ZNF561: variants seen among roughly 807,000 people sequenced by gnomAD.
ZNF561 encodes zinc finger protein 561.
A neutral mutation model predicts 16.7 loss-of-function variants in ZNF561; 16 were observed. The observed-to-expected ratio is 0.96, with a 90% CI of 0.65 to 1.45. ZNF561 has a LOEUF of 1.45. Ranked by LOEUF, ZNF561 falls within the 40% of genes most tolerant of loss-of-function variation. The pLI is 0.00. For missense variants in ZNF561, 580 were observed against 578.0 expected (o/e 1.00, Z -0.04); for synonymous variants, 190 against 192.1 (o/e 0.99, Z 0.09).
In ZNF561 at chr19:9,608,762, G is replaced by A. The variant is rs530351373; in HGVS notation, c.*1438C>T. ...AAGAACTTGGCAGAACTGTATTCTA[G>A]CACTTTGCGGAAGGTAGAGCTTGAG... On this transcript the variant is annotated 3_prime_UTR_variant, in exon 6 of 6. Coordinates refer to ENST00000302851, the MANE Select transcript of ZNF561 (RefSeq NM_152289.3). 2 of 152,212 alleles carry A rather than the reference G, an allele frequency of 1.3e-5. No individual in the cohort carries two copies. The highest frequency in any genetic ancestry group is 2.9e-5 in the Non-Finnish European group (2 of 68,038). 9.4% of individuals were successfully genotyped at this position (152,212 alleles called of 1,614,324 possible). A position where few individuals can be genotyped will look rare whatever the true frequency, so the allele number is the denominator to read the frequency against.
rs766966765 is a variant in ZNF561 at position 9,611,308 on chromosome 19, CAG to C, written c.351_352del (p.Cys118Ter). ...GACCTCTCCACAATTCTTACAGTCA[CAG>C]AGTTTCCATCCACTGTAGCCTCTTG... On this transcript the variant is annotated frameshift_variant, in exon 6 of 6. Transcript: ENST00000302851. LOFTEE classifies it low-confidence loss of function (END_TRUNC). 4.2e-5 allele frequency: 68 copies of C among 1,612,800 alleles called. No individual in the cohort carries two copies. The highest frequency in any genetic ancestry group is 5.4e-5 in the Non-Finnish European group (64 of 1,178,950).
At chr19:9,612,249 T>G (rs530473862) in intron 5 of ZNF561, among the ~76,000 whole-genome samples, 5 of 151,226 alleles carry the variant, frequency 3.3e-5, no homozygotes, top group African/African-American at 1.2e-4. Flanking sequence ...ATTTTTGAGA[T>G]GTAGTCTCAC....
Position 9,610,227 on chromosome 19 carries a change from T to G in ZNF561, c.1434A>C (p.Glu478Asp), listed in dbSNP as rs1463951267. Reference protein sequence around the residue: ...ERIHTGEKPYECKDMSVTI With the variant: ...ERIHTGEKPYDCKDMSVTI ...AAATGGTAACACTCATATCCTTGCA[T>G]TCATAGGGTTTCTCCCCAGTGTGAA... Residue 478 changes from glutamate (E) to aspartate (D), a missense_variant, in exon 6 of 6, where the codon GAA (glutamate) becomes GAC (aspartate). Physicochemically the swap from Glu to Asp is conservative, Grantham distance 45. Coordinates refer to ENST00000302851, the MANE Select transcript of ZNF561 (RefSeq NM_152289.3). 6.2e-7 allele frequency: 1 copy of G among 1,606,692 alleles called. No homozygotes were observed. Among genetic ancestry groups the G allele is most frequent in the African/African-American group, 1.3e-5 (1 of 74,672 alleles).
Position 9,611,153 on chromosome 19 carries a change from T to G in ZNF561, c.508A>C (p.Lys170Gln). Residue 170 changes from lysine to glutamine, a missense_variant, in exon 6 of 6, where the codon AAA (lysine) becomes CAA (glutamine). By Grantham distance (53) the Lys-to-Gln change is moderately conservative (BLOSUM62 1). Transcript: ENST00000302851. Reference protein sequence around the residue: ...KEASTGQELSKFNPCGKVFTL... With the variant: ...KEASTGQELSQFNPCGKVFTL... ...AAGACTTTTCCACATGGATTAAATT[T>G]GGAAAGTTCCTGTCCAGTAGAGGCT... 4 of 1,614,042 alleles carry G rather than the reference T, an allele frequency of 2.5e-6. No individual in the cohort carries two copies. Among genetic ancestry groups the G allele is most frequent in the Non-Finnish European group, 3.4e-6 (4 of 1,179,900 alleles).
intron 5 of ZNF561, 111 bp downstream of exon 5, chr19:9,613,910 T>C: frequency 7.5e-7 from 1 of 1,336,490 alleles, no homozygotes; most frequent in Non-Finnish European, 1.1e-6. Flanking sequence ...GCCTCCCAAA[T>C]AGCTGGGATT....
At chr19:9,611,466 G>A in intron 5 of ZNF561, 130 bp from the exon 6 acceptor site, 1 of 1,032,544 alleles carries the variant, frequency 9.7e-7, no homozygotes, top group Non-Finnish European at 1.3e-6. Flanking sequence ...TTTTCTTTTT[G>A]AGAGAAAGTC....
intron 4 of ZNF561, 121 bp from the exon 5 acceptor site, chr19:9,614,224 G>T: frequency 7.8e-7 from 1 of 1,283,370 alleles, no homozygotes; most frequent in Non-Finnish European, 1.1e-6. Flanking sequence ...AGAACCTTGA[G>T]GATTTTGGTA....
intron 5 of ZNF561, 55 bp downstream of exon 5, chr19:9,613,966 A>G (rs2074507412): frequency 6.3e-7 from 1 of 1,597,134 alleles, no homozygotes; most frequent in Admixed American, 1.7e-5. Context: ...TCTAGAATGG[A>G]ATTCTCTATC....
At chr19:9,618,584 G>A (rs1007381494) in intron 2 of ZNF561, among the ~76,000 whole-genome samples, 2 of 152,102 alleles carry the variant, frequency 1.3e-5, no homozygotes, top group Non-Finnish European at 2.9e-5. Flanking sequence ...AAATTAGCCA[G>A]ATGTGGTGGT....
chr19:9,607,611 T>G lies in ZNF561; in HGVS notation c.*2589A>C, dbSNP rs1424675290. The G allele has an allele frequency of 2.0e-5, 3 of 152,182 alleles. No homozygotes were observed. In the East Asian group the frequency reaches 5.8e-4, roughly 29 times the overall value. The allele number at this position is 152,182 out of a possible 1,614,324, so 9.4% of individuals were successfully genotyped here. Reference sequence around the variant, plus strand: ...AATAGAGCACGTATCTCAGCAGAACTGCAGACAATTATGCTGGTATTACTG... The same window carrying G: ...AATAGAGCACGTATCTCAGCAGAACGGCAGACAATTATGCTGGTATTACTG... On this transcript the variant is annotated 3_prime_UTR_variant, in exon 6 of 6. Transcript: ENST00000302851.
intron 3 of ZNF561, 98 bp from the exon 4 acceptor site, chr19:9,617,269 G>T (rs989972012): frequency 3.4e-6 from 5 of 1,456,118 alleles, no homozygotes; most frequent in Non-Finnish European, 4.6e-6. Flanking sequence ...CTTACACGTG[G>T]TTGTCAGGTC....
chr19:9,607,692 T>C lies in ZNF561; in HGVS notation c.*2508A>G, dbSNP rs1027793525. The stretch of plus-strand genomic sequence containing the variant: ...ATTAGTCCAGTAAAGCAAGAAAATA[T>C]ATATATAGGTATAACCTAACGACTA... On this transcript the variant is annotated 3_prime_UTR_variant, in exon 6 of 6. Transcript: ENST00000302851. 1.3e-5 allele frequency: 2 copies of C among 152,112 alleles called. No individual in the cohort carries two copies. The highest frequency in any genetic ancestry group is 2.9e-5 in the Non-Finnish European group (2 of 68,014). The allele number at this position is 152,112 out of a possible 1,614,324, so 9.4% of individuals were successfully genotyped here.
chr19:9,615,655 C>G (rs1353029808), intron 4 of ZNF561, among the ~76,000 whole-genome samples: 2 of 148,548 alleles, frequency 1.3e-5, no homozygotes, highest in South Asian at 4.3e-4. Context: ...ACCATAATCC[C>G]AGCACTCTGG....
chr19:9,607,471 T>C lies in ZNF561; in HGVS notation c.*2729A>G, dbSNP rs1364892718. ...TCAAGAGGAATTCAGCCTCATGAAT[T>C]ATGAAATACTGGGAAATCATTCATC... On this transcript the variant is annotated 3_prime_UTR_variant, in exon 6 of 6. Transcript: ENST00000302851. The C allele has an allele frequency of 2.0e-5, 3 of 152,192 alleles. No homozygotes were observed. The highest frequency in any genetic ancestry group is 6.6e-5 in the Admixed American group (1 of 15,266). The allele number at this position is 152,192 out of a possible 1,614,324, so 9.4% of individuals were successfully genotyped here.
At position 9,610,861 on chromosome 19, in the gene ZNF561, T is replaced by C. The variant is rs762395582; in HGVS notation, c.800A>G (p.Gln267Arg). Reference protein sequence around the residue: ...KCGKSFTNFSQLYAPVKTHKG... With the variant: ...KCGKSFTNFSRLYAPVKTHKG... Reference sequence around the variant, plus strand: ...ATGAGTTTTCACAGGTGCATAAAGTTGAGAAAAATTAGTGAAGGATTTCCC... The same window carrying C: ...ATGAGTTTTCACAGGTGCATAAAGTCGAGAAAAATTAGTGAAGGATTTCCC... Residue 267 changes from glutamine to arginine, a missense_variant, in exon 6 of 6, where the codon CAA becomes CGA. Physicochemically the swap from Gln to Arg is conservative, Grantham distance 43 (BLOSUM62 1). Transcript: ENST00000302851. The C allele has an allele frequency of 6.8e-6, 11 of 1,614,044 alleles. No homozygotes were observed. Among genetic ancestry groups the C allele is most frequent in the African/African-American group, 1.3e-5 (1 of 74,936 alleles).
rs962475308 is a variant in ZNF561, at chr19:9,617,177, T to G, written c.115-6A>C. On this transcript the variant is annotated splice_region_variant and splice_polypyrimidine_tract_variant and intron_variant, in intron 3 of 5. Coordinates refer to ENST00000302851, the MANE Select transcript of ZNF561 (RefSeq NM_152289.3). ...TCATCAAACGTCACTGAATCCTATG[T>G]CATCATACACATGCTGGTTTGAGCC... 3.1e-6 allele frequency: 5 copies of G among 1,611,536 alleles called. No homozygotes were observed. Among genetic ancestry groups the G allele is most frequent in the Non-Finnish European group, 4.2e-6 (5 of 1,178,532 alleles).
At chr19:9,618,318 C>T in intron 2 of ZNF561, 139 bp from the exon 3 acceptor site, 1 of 859,902 alleles carries the variant, frequency 1.2e-6, no homozygotes, top group Non-Finnish European at 1.7e-6. Flanking sequence ...ACAACACTTC[C>T]ATGAAATGCC....
intron 1 of ZNF561, among the ~76,000 whole-genome samples, chr19:9,619,921 C>CTAT (rs1555692401): frequency 6.7e-4 from 78 of 116,196 alleles, no homozygotes; most frequent in East Asian, 5.3e-3. Flanking sequence ...CTATATCTAT[C>CTAT]CTATCTATCT....
chr19:9,617,288 T>C, intron 3 of ZNF561, 117 bp from the exon 4 acceptor site: 1 of 1,418,994 alleles, frequency 7.0e-7, no homozygotes, highest in East Asian at 2.6e-5. Context: ...TCTCCCATGA[T>C]CTACTCCAGG....
Sources: allele counts gnomAD v4.1 joint callset (sites outside exome capture counted in the v4.1 genomes callset), GRCh38; gene constraint gnomAD v4.1.1; transcripts MANE v1.5; gene names NCBI Gene and HGNC (gene_info 2026-07-23, HGNC 2026-07-21).